Variants in ACACB observed in about 807,000 individuals in gnomAD.
The protein encoded by ACACB is acetyl-CoA carboxylase beta.
Under a neutral mutation model 278.8 loss-of-function variants are expected in ACACB, and 209 were observed. The observed-to-expected ratio is 0.75, with a 90% CI of 0.67 to 0.84. The LOEUF is 0.84. Ranked by LOEUF, ACACB falls within the 40% of genes least tolerant of loss-of-function variation. The pLI is 0.00. For missense variants in ACACB, 2,850 were observed against 3,269.0 expected (o/e 0.87, Z 3.13); for synonymous variants, 1,174 against 1,285.6 (o/e 0.91, Z 1.86).
chr12:109,247,797 G>T (rs1350584386), intron 40 of ACACB, 94 bp downstream of exon 40: 3 of 1,054,446 alleles, frequency 2.8e-6, no homozygotes, highest in Non-Finnish European at 4.4e-6. Flanking sequence ...TTCCAGTGGG[G>T]TGGTGGTGTT....
chr12:109,133,320 T>C (rs933199684), intron 1 of ACACB, among the ~76,000 whole-genome samples: 1 of 151,776 alleles, frequency 6.6e-6, no homozygotes, highest in East Asian at 1.9e-4. Flanking sequence ...AACCTCCCCC[T>C]CCTGAGCTCA....
chr12:109,212,731 G>C, intron 21 of ACACB, 105 bp from the exon 22 acceptor site: 3 of 884,124 alleles, frequency 3.4e-6, no homozygotes, highest in Admixed American at 1.9e-5. Flanking sequence ...AACAGGCCAC[G>C]GACCAGTGCT....
At chr12:109,237,944 G>A (rs555285323) in intron 34 of ACACB, among the ~76,000 whole-genome samples, 12 of 151,424 alleles carry the variant, frequency 7.9e-5, no homozygotes, top group African/African-American at 2.4e-4. Flanking sequence ...CCTGAGAGGC[G>A]GAGGTTGCAG....
chr12:109,145,919 G>A (rs2043232291), intron 2 of ACACB, among the ~76,000 whole-genome samples: 1 of 152,046 alleles, frequency 6.6e-6, no homozygotes, highest in Non-Finnish European at 1.5e-5. Context: ...TGAGTTAGGA[G>A]AATCACTTGA....
chr12:109,204,042 T>C (rs1351328107), intron 19 of ACACB, among the ~76,000 whole-genome samples: 5 of 152,146 alleles, frequency 3.3e-5, no homozygotes, highest in Admixed American at 3.3e-4. Flanking sequence ...AAAATTATAA[T>C]TATTATGGGT....
At chr12:109,111,804 G>A (rs1357621824), upstream of ACACB, among the ~76,000 whole-genome samples, 5 of 152,152 alleles carry the variant, frequency 3.3e-5, no homozygotes, top group African/African-American at 1.2e-4. Context: ...ACTAGCAAAT[G>A]CATTTCTTAA....
At chr12:109,218,367 AGTTTGTTTGTTT>A (rs57423055) in intron 24 of ACACB, among the ~76,000 whole-genome samples, 45 of 150,106 alleles carry the variant, frequency 3.0e-4, no homozygotes, top group South Asian at 6.4e-4. Flanking sequence ...ACGCCCAGCT[AGTTTGTTTGTTT>A]GTTTGTTTGT....
At chr12:109,167,289 A>T (rs1028436936) in intron 3 of ACACB, 2 of 274,018 alleles carry the variant, frequency 7.3e-6, no homozygotes, top group Non-Finnish European at 1.4e-5. Context: ...ATAAAAAAAA[A>T]ATCATTCACT....
At chr12:109,167,246 A>G in intron 3 of ACACB, 1 of 479,078 alleles carries the variant, frequency 2.1e-6, no homozygotes, top group Non-Finnish European at 3.8e-6. Flanking sequence ...ACACTCAAAA[A>G]GTGTTAAGGG....
In ACACB at chr12:109,210,198, TGTATATATGTATATATA is replaced by T. The variant is rs1471722850; in HGVS notation, c.3249+846_3249+862del. Among the ~76,000 whole-genome samples the T allele has an allele frequency of 5.0e-3, 263 of 52,564 alleles. 61 individuals carry two copies. Among genetic ancestry groups the T allele is most frequent in the African/African-American group, 0.025 (249 of 9,920 alleles). 34.5% of individuals were successfully genotyped at this position (52,564 alleles called of 152,430 possible). A position where few individuals can be genotyped will look rare whatever the true frequency, so the allele number is the denominator to read the frequency against. ...ATGTATATATACACACGTGTGTATATGTATATATGTATATATACACACATGTGTGTATATGTATATAT... is the reference window on the plus strand; with the variant it reads ...ATGTATATATACACACGTGTGTATATCACACATGTGTGTATATGTATATAT... On this transcript the variant is annotated intron_variant, in intron 21 of 52. Coordinates refer to ENST00000338432, the MANE Select transcript of ACACB (RefSeq NM_001093.4).
At chr12:109,201,285 C>T (rs998414464) in intron 18 of ACACB, among the ~76,000 whole-genome samples, 1 of 152,150 alleles carries the variant, frequency 6.6e-6, no homozygotes, top group African/African-American at 2.4e-5. Context: ...GAGAAGACTC[C>T]CCCTTTGGAA....
chr12:109,237,851 A>C (rs1282555810), intron 34 of ACACB, among the ~76,000 whole-genome samples: 6 of 151,894 alleles, frequency 4.0e-5, no homozygotes, highest in Non-Finnish European at 8.8e-5. Context: ...GTGTCTACTA[A>C]AAATACAAAA....
intron 19 of ACACB, among the ~76,000 whole-genome samples, chr12:109,203,184 C>G (rs2136344601): frequency 6.6e-6 from 1 of 152,266 alleles, no homozygotes; most frequent in Non-Finnish European, 1.5e-5. Context: ...TAGCATGTGG[C>G]AGAATTTCCC....
At chr12:109,208,977 A>G (rs2045600010) in intron 20 of ACACB, among the ~76,000 whole-genome samples, 188 bp from the exon 21 acceptor site, 1 of 152,092 alleles carries the variant, frequency 6.6e-6, no homozygotes, top group Non-Finnish European at 1.5e-5. Context: ...ATGTAGGGAA[A>G]CTGAGTATTC....
intron 2 of ACACB, among the ~76,000 whole-genome samples, chr12:109,159,019 C>T (rs984839880): frequency 2.6e-5 from 4 of 151,902 alleles, no homozygotes; most frequent in Non-Finnish European, 4.4e-5. Context: ...AAGTTAAAAC[C>T]GCTCTTAGCC....
chr12:109,138,098 T>G (rs925242931), intron 1 of ACACB, among the ~76,000 whole-genome samples: 2 of 152,086 alleles, frequency 1.3e-5, no homozygotes, highest in Non-Finnish European at 2.9e-5. Context: ...CAGACAGGGC[T>G]TCACCATGTT....
intron 4 of ACACB, among the ~76,000 whole-genome samples, chr12:109,170,890 G>T (rs553175537): frequency 6.6e-6 from 1 of 151,874 alleles, no homozygotes; most frequent in African/African-American, 2.4e-5. Flanking sequence ...AGGCTGGAGC[G>T]CAGTGACATG....
At chr12:109,233,161 A>G (rs1443780800) in intron 29 of ACACB, among the ~76,000 whole-genome samples, 7 of 152,246 alleles carry the variant, frequency 4.6e-5, no homozygotes. Flanking sequence ...TAAAATGGGA[A>G]TAATAAAGGA....
At chr12:109,197,222 C>T (rs1008516703) in intron 17 of ACACB, 69 bp downstream of exon 17, 2 of 1,539,870 alleles carry the variant, frequency 1.3e-6, no homozygotes, top group African/African-American at 1.4e-5. Flanking sequence ...ATGGAAAACA[C>T]AGCACTGGCC....
Sources: gnomAD v4.1 joint callset for allele counts (sites outside exome capture counted in the v4.1 genomes callset) on GRCh38, gnomAD v4.1.1 for gene constraint, MANE v1.5 for transcripts, NCBI Gene and HGNC (gene_info 2026-07-23, HGNC 2026-07-21) for gene names.